The following DERA variants were observed in gnomAD, a reference collection of about 807,000 sequenced individuals.
DERA encodes the protein deoxyribose-phosphate aldolase, also known as 2-deoxy-D-ribose 5-phosphate aldolase.
In DERA, 15 loss-of-function variants were observed where a neutral mutation model predicts 41.1. The ratio of observed to expected loss-of-function variants is 0.37; its 90% CI spans 0.24 to 0.56. The LOEUF is 0.56. DERA is among the 20% of genes least tolerant of loss of function. The pLI is 0.81. For synonymous variants in DERA, 139 were observed against 137.4 expected (o/e 1.01, Z -0.08); for missense variants, 396 against 403.4 (o/e 0.98, Z 0.16).
In DERA at chr12:15,960,636, C is replaced by CAAAAAAAAAAA. The variant is rs1163104277; in HGVS notation, c.373+729_373+739dup. On this transcript the variant is annotated intron_variant, in intron 4 of 8. Transcript: ENST00000428559. ...TGGGTGATAGACCAAGACTCCGTCT[C>CAAAAAAAAAAA]AAAAAAAAAAAAAAAAAAAAAAAAA... Among the ~76,000 whole-genome samples the CAAAAAAAAAAA allele has an allele frequency of 4.2e-4, 12 of 28,716 alleles. 3 individuals are homozygous for CAAAAAAAAAAA. The highest frequency in any genetic ancestry group is 2.0e-3 in the South Asian group (1 of 500). 18.8% of individuals were successfully genotyped at this position (28,716 alleles called of 152,430 possible).
chr12:15,941,185 C>T lies in DERA; in HGVS notation c.32-15751C>T, dbSNP rs963696414. On this transcript the variant is annotated intron_variant, in intron 1 of 8. Coordinates refer to ENST00000428559, the MANE Select transcript of DERA (RefSeq NM_015954.4). This position sits in a 1 kb window ranked among gnomAD's most constrained non-coding sequence, Gnocchi z 4.5. ...ATTTCCCGTACATATTTCATGTTCA[C>T]CTAATCTACAGTAGCGGCTCATTGA... 2.0e-5 allele frequency among the ~76,000 whole-genome samples: 3 copies of T among 152,282 alleles called. No individual in the cohort carries two copies.
chr12:15,954,115 A>G lies in DERA; in HGVS notation c.32-2821A>G, dbSNP rs767864992. On this transcript the variant is annotated intron_variant, in intron 1 of 8. Transcript: ENST00000428559. The surrounding 1 kb of genome is among the most constrained non-coding windows in gnomAD (Gnocchi z 4.0). The stretch of plus-strand genomic sequence containing the variant: ...GAGTTCTAACCTTTGGTGTACTCAA[A>G]ATTGGTTTTTAAGGGGAAAGTTCCC... Among the ~76,000 whole-genome samples the G allele has an allele frequency of 6.6e-6, 1 of 152,170 alleles. No homozygotes were observed. The highest frequency in any genetic ancestry group is 1.5e-5 in the Non-Finnish European group (1 of 68,030).
Position 16,003,593 on chromosome 12 carries a change from A to G in DERA, c.637+21157A>G, listed in dbSNP as rs192696786. ...GCCTACTACTGTAGGCTAGATGCCA[A>G]CTAAAAACAACTGCTGGGGGCAGTG... On this transcript the variant is annotated intron_variant, in intron 6 of 8. Coordinates refer to ENST00000428559, the MANE Select transcript of DERA (RefSeq NM_015954.4). This position sits in a 1 kb window ranked among gnomAD's most constrained non-coding sequence, Gnocchi z 4.8. 1.0e-3 allele frequency among the ~76,000 whole-genome samples: 154 copies of G among 152,296 alleles called. 1 individual carries two copies. Among genetic ancestry groups the G allele is most frequent in the African/African-American group, 3.0e-3 (126 of 41,558 alleles).
rs1023511062 is a variant in DERA at position 15,940,499 on chromosome 12, A to C, written c.32-16437A>C. Among the ~76,000 whole-genome samples the C allele has an allele frequency of 6.6e-6, 1 of 152,006 alleles. No homozygotes were observed. The highest frequency in any genetic ancestry group is 1.5e-5 in the Non-Finnish European group (1 of 67,988). On this transcript the variant is annotated intron_variant, in intron 1 of 8. Coordinates refer to ENST00000428559, the MANE Select transcript of DERA (RefSeq NM_015954.4). The surrounding 1 kb of genome is among the most constrained non-coding windows in gnomAD (Gnocchi z 5.1). ...CTCGAGTAGCTGGGACTACAGGCGC[A>C]TGCCACCACACCTGGCTGATTTTTT...
At chr12:16,005,046 A>G (rs1348771073) in intron 6 of DERA, among the ~76,000 whole-genome samples, 1 of 152,220 alleles carries the variant, frequency 6.6e-6, no homozygotes, top group Non-Finnish European at 1.5e-5. Context: ...TTAAAAGATT[A>G]ACTTCTCTTT....
chr12:15,946,793 C>T (rs1193912019), intron 1 of DERA, among the ~76,000 whole-genome samples: 5 of 152,056 alleles, frequency 3.3e-5, no homozygotes, highest in Non-Finnish European at 7.4e-5. Flanking sequence ...GCTCTTGCTT[C>T]TCTAGTTCTT....
intron 5 of DERA, among the ~76,000 whole-genome samples, chr12:15,980,977 TAGCTTTAAGAA>T (rs1948728818): frequency 6.6e-6 from 1 of 152,348 alleles, no homozygotes; most frequent in Admixed American, 6.5e-5. Flanking sequence ...ACTCTCATTT[TAGCTTTAAGAA>T]ATGCTTACCC....
chr12:16,000,342 T>C lies in DERA; in HGVS notation c.637+17906T>C, dbSNP rs1213625526. On this transcript the variant is annotated intron_variant, in intron 6 of 8. Transcript: ENST00000428559. The surrounding 1 kb of genome is among the most constrained non-coding windows in gnomAD (Gnocchi z 4.8). ...ACATAGTAACGTTTTTAAGGAAATC[T>C]GATGAAGGCTATGAAGGTGAAAGAA... Among the ~76,000 whole-genome samples the C allele has an allele frequency of 6.6e-6, 1 of 152,242 alleles. No individual in the cohort carries two copies. The highest frequency in any genetic ancestry group is 1.5e-5 in the Non-Finnish European group (1 of 68,042).
chr12:15,986,507 G>C (rs1948765185), intron 6 of DERA, among the ~76,000 whole-genome samples: 1 of 152,056 alleles, frequency 6.6e-6, no homozygotes, highest in African/African-American at 2.4e-5. Flanking sequence ...TTAAGTGGTT[G>C]CTCTAACAAT....
intron 1 of DERA, among the ~76,000 whole-genome samples, chr12:15,949,721 G>A (rs532511953): frequency 2.6e-5 from 4 of 152,252 alleles, no homozygotes; most frequent in East Asian, 1.9e-4. Context: ...CCCACTGTCC[G>A]ACAAGCCCCA....
chr12:15,996,743 T>C lies in DERA; in HGVS notation c.637+14307T>C, dbSNP rs1324478038. Among the ~76,000 whole-genome samples the C allele has an allele frequency of 3.3e-5, 5 of 152,222 alleles. No individual in the cohort carries two copies. Among genetic ancestry groups the C allele is most frequent in the Non-Finnish European group, 7.3e-5 (5 of 68,030 alleles). On this transcript the variant is annotated intron_variant, in intron 6 of 8. Coordinates refer to ENST00000428559, the MANE Select transcript of DERA (RefSeq NM_015954.4). The surrounding 1 kb of genome is among the most constrained non-coding windows in gnomAD (Gnocchi z 4.7). ...CTTGCTTTATGGTCTTATTATTTTC[T>C]GTCAAGAAGACCTGAAGAAGTTAGA... is the stretch of plus-strand genomic sequence containing the variant.
chr12:16,031,439 C>G (rs1949091653), intron 6 of DERA, among the ~76,000 whole-genome samples: 1 of 152,188 alleles, frequency 6.6e-6, no homozygotes, highest in African/African-American at 2.4e-5. Flanking sequence ...CCACAGATTC[C>G]ATAGGTTAGG....
At chr12:15,974,247 G>A (rs7316065) in intron 5 of DERA, among the ~76,000 whole-genome samples, 94,274 of 151,518 alleles carry the variant, frequency 0.62, 29,646 homozygotes, top group East Asian at 0.82. Flanking sequence ...TAACATTGAT[G>A]ACCATACGGC....
In DERA at chr12:15,911,460, C is replaced by T; in HGVS notation, c.31+46C>T. On this transcript the variant is annotated intron_variant, in intron 1 of 8. Coordinates refer to ENST00000428559, the MANE Select transcript of DERA (RefSeq NM_015954.4). This position sits in a 1 kb window ranked among gnomAD's most constrained non-coding sequence, Gnocchi z 4.5. ...CCCATCCCCTCTCCCTCGCGTTCAGCGCCGCCGGGACTAGCGCGGGGCCTG... is the reference window on the plus strand; with the variant it reads ...CCCATCCCCTCTCCCTCGCGTTCAGTGCCGCCGGGACTAGCGCGGGGCCTG... 1 of 1,406,366 alleles carries T rather than the reference C, an allele frequency of 7.1e-7. No homozygotes were observed. Among genetic ancestry groups the T allele is most frequent in the East Asian group, 2.7e-5 (1 of 36,716 alleles). 87.1% of individuals were successfully genotyped at this position (1,406,366 alleles called of 1,614,324 possible). A position where few individuals can be genotyped will look rare whatever the true frequency, so the allele number is the denominator to read the frequency against.
intron 6 of DERA, among the ~76,000 whole-genome samples, chr12:16,018,758 A>G (rs1949000527): frequency 1.3e-5 from 2 of 152,098 alleles, no homozygotes; most frequent in South Asian, 4.1e-4. Flanking sequence ...GTATTGTGCT[A>G]AAGATTTCAA....
intron 1 of DERA, among the ~76,000 whole-genome samples, chr12:15,923,219 T>G (rs1332881355): frequency 6.6e-6 from 1 of 151,518 alleles, no homozygotes; most frequent in African/African-American, 2.4e-5. Flanking sequence ...AGACGGGGTT[T>G]CACCGTTTTA....
intron 6 of DERA, among the ~76,000 whole-genome samples, chr12:16,028,115 A>G (rs541605915): frequency 1.3e-5 from 2 of 152,340 alleles, no homozygotes; most frequent in South Asian, 2.1e-4. Flanking sequence ...TAGCACCCAT[A>G]TAGTGGTTTC....
In DERA at chr12:16,019,171, G is replaced by A. The variant is rs1306724796; in HGVS notation, c.638-13371G>A. 6.6e-6 allele frequency among the ~76,000 whole-genome samples: 1 copy of A among 152,184 alleles called. No individual in the cohort carries two copies. The highest frequency in any genetic ancestry group is 1.5e-5 in the Non-Finnish European group (1 of 68,026). The stretch of plus-strand genomic sequence containing the variant: ...TTAAAATGAGAAGTAAAACAAAAGT[G>A]TGTCCTACTTAGTCCCATTGGAAAA... On this transcript the variant is annotated intron_variant, in intron 6 of 8. Coordinates refer to ENST00000428559, the MANE Select transcript of DERA (RefSeq NM_015954.4). The surrounding 1 kb of genome is among the most constrained non-coding windows in gnomAD (Gnocchi z 4.4).
intron 1 of DERA, among the ~76,000 whole-genome samples, chr12:15,919,018 T>G (rs1005303807): frequency 2.0e-5 from 3 of 152,208 alleles, no homozygotes; most frequent in Non-Finnish European, 4.4e-5. Flanking sequence ...GTGAAATACA[T>G]ACACAGAGTC....
Sources: allele counts gnomAD v4.1 joint callset (sites outside exome capture counted in the v4.1 genomes callset), GRCh38; gene constraint gnomAD v4.1.1; non-coding constraint Gnocchi (gnomAD v3.1); transcripts MANE v1.5; gene names NCBI Gene and HGNC (gene_info 2026-07-23, HGNC 2026-07-21).